The following UGT1A8 variants were observed in gnomAD, a reference collection of about 807,000 sequenced individuals.
UGT1A8 encodes UDP glucuronosyltransferase family 1 member A8, also known as UDP-glucuronosyltransferase 1A8.
UGT1A8 carries 39 observed loss-of-function variants against 45.3 expected under a neutral mutation model. The ratio of observed to expected loss-of-function variants is 0.86; its 90% CI spans 0.67 to 1.12. UGT1A8 has a LOEUF of 1.12. UGT1A8 is among the 50% of genes most tolerant of loss of function. The probability of loss-of-function intolerance (pLI) is 0.00; values close to 1 mark genes in which losing one functional copy is unlikely to be tolerated. For synonymous variants in UGT1A8, 275 were observed against 249.2 expected (o/e 1.10, Z -0.97); for missense variants, 719 against 664.9 (o/e 1.08, Z -0.90).
intron 1 of UGT1A8, among the ~76,000 whole-genome samples, chr2:233,659,660 C>A (rs929382629): frequency 6.6e-6 from 1 of 151,970 alleles, no homozygotes; most frequent in Non-Finnish European, 1.5e-5. Flanking sequence ...CAGGCGCACT[C>A]GATTTAACTT....
chr2:233,632,509 C>T (rs978740737), intron 1 of UGT1A8, among the ~76,000 whole-genome samples: 1 of 152,106 alleles, frequency 6.6e-6, no homozygotes, highest in Admixed American at 6.5e-5. Flanking sequence ...CTCTTATTTA[C>T]TTGAGCAGTG....
chr2:233,712,259 G>A (rs763507472), intron 1 of UGT1A8, among the ~76,000 whole-genome samples: 18 of 152,230 alleles, frequency 1.2e-4, no homozygotes, highest in Non-Finnish European at 1.9e-4. Context: ...TCTTGCACAT[G>A]TGTGCTTTAG....
chr2:233,744,522 T>A (rs1292521723), intron 1 of UGT1A8, among the ~76,000 whole-genome samples: 2 of 151,918 alleles, frequency 1.3e-5, no homozygotes, highest in Non-Finnish European at 2.9e-5. Context: ...CAATAGCAAA[T>A]CTTATTTTTA....
chr2:233,664,906 A>G (rs1447320252), intron 1 of UGT1A8, among the ~76,000 whole-genome samples: 1 of 152,206 alleles, frequency 6.6e-6, no homozygotes, highest in African/African-American at 2.4e-5. Context: ...CAAATTTTAT[A>G]ATTGTAGATC....
chr2:233,657,011 G>A (rs1434917198), intron 1 of UGT1A8, among the ~76,000 whole-genome samples: 9 of 151,314 alleles, frequency 5.9e-5, no homozygotes, highest in Non-Finnish European at 1.2e-4. Context: ...ACCTTTCTAC[G>A]TCTTTATGAA....
intron 4 of UGT1A8, 92 bp downstream of exon 4, chr2:233,768,531 G>T: frequency 5.4e-6 from 8 of 1,481,574 alleles, no homozygotes; most frequent in South Asian, 4.1e-5. Context: ...ATTTAATAGC[G>T]TTGTTTCAAA....
intron 1 of UGT1A8, among the ~76,000 whole-genome samples, chr2:233,670,716 A>G (rs1383320604): frequency 6.6e-6 from 1 of 152,174 alleles, no homozygotes; most frequent in Non-Finnish European, 1.5e-5. Context: ...TTGCTGAATT[A>G]GAGATGTTGG....
chr2:233,739,705 T>C (rs887179684), intron 1 of UGT1A8, among the ~76,000 whole-genome samples: 3 of 152,188 alleles, frequency 2.0e-5, no homozygotes, highest in African/African-American at 7.2e-5. Flanking sequence ...TACAGGCTCA[T>C]GGGGGAAGGG....
chr2:233,674,644 ATATCTTT>A (rs886741854), intron 1 of UGT1A8, among the ~76,000 whole-genome samples: 2 of 117,220 alleles, frequency 1.7e-5, no homozygotes, highest in African/African-American at 5.4e-5. Context: ...TTGATTATAA[ATATCTTT>A]TATGAGATAT....
chr2:233,704,547 A>G (rs1186036983), intron 1 of UGT1A8, among the ~76,000 whole-genome samples: 1 of 152,170 alleles, frequency 6.6e-6, no homozygotes, highest in East Asian at 1.9e-4. Context: ...TGGTGATAAT[A>G]TTACTTTATA....
At chr2:233,693,313 A>T (rs370458841) in intron 1 of UGT1A8, 2 of 1,614,218 alleles carry the variant, frequency 1.2e-6, no homozygotes, top group East Asian at 4.5e-5. Flanking sequence ...CTGAGCGATC[A>T]TTCCTAACTG....
intron 1 of UGT1A8, chr2:233,743,571 C>T: frequency 7.3e-7 from 1 of 1,367,316 alleles, no homozygotes; most frequent in African/African-American, 1.5e-5. Flanking sequence ...AGCGGGTTTC[C>T]CAAGAGGTCA....
intron 1 of UGT1A8, among the ~76,000 whole-genome samples, chr2:233,703,856 T>A (rs1016851767): frequency 2.6e-5 from 4 of 152,164 alleles, no homozygotes; most frequent in Non-Finnish European, 4.4e-5. Flanking sequence ...AATACTATTA[T>A]TGATGTAGAT....
rs67292694 is a variant in UGT1A8, at chr2:233,757,535, A to AATATATATATATATATAT, written c.856-9490_856-9473dup. Among the ~76,000 whole-genome samples the AATATATATATATATATAT allele has an allele frequency of 4.3e-3, 380 of 88,202 alleles. 7 individuals carry two copies. The highest frequency in any genetic ancestry group is 0.012 in the Middle Eastern group (2 of 172). The allele number at this position is 88,202 out of a possible 152,430, so 57.9% of individuals were successfully genotyped here. ...CAAAGCCAAAATCTTGCCTGTAAGG[A>AATATATATATATATATAT]ATATATATATATATATATATATATA... On this transcript the variant is annotated intron_variant, in intron 1 of 4. Transcript: ENST00000373450.
At chr2:233,761,638 C>T (rs769742430) in intron 1 of UGT1A8, among the ~76,000 whole-genome samples, 2 of 152,230 alleles carry the variant, frequency 1.3e-5, no homozygotes, top group African/African-American at 2.4e-5. Context: ...TCCTGCAGTC[C>T]GTTCTCTTCT....
In UGT1A8 at chr2:233,703,900, T is replaced by G. The variant is rs556559029; in HGVS notation, c.856-63134T>G. On this transcript the variant is annotated intron_variant, in intron 1 of 4. Transcript: ENST00000373450. ...GTCTACCATCATTTTTTTCTTTTCT[T>G]TTTTTTTTGAGACAAAATCTCATTC... 2.0e-5 allele frequency among the ~76,000 whole-genome samples: 3 copies of G among 151,044 alleles called. No homozygotes were observed. The East Asian group carries it at 5.8e-4, about 29-fold the overall frequency.
At chr2:233,755,197 T>C in intron 1 of UGT1A8, 1 of 1,117,644 alleles carries the variant, frequency 8.9e-7, no homozygotes, top group Non-Finnish European at 1.3e-6. Context: ...AGCGCCAGCT[T>C]GCGGTACGCC....
intron 1 of UGT1A8, among the ~76,000 whole-genome samples, chr2:233,659,937 A>C (rs1442589977): frequency 6.6e-6 from 1 of 152,150 alleles, no homozygotes; most frequent in Non-Finnish European, 1.5e-5. Flanking sequence ...CACTCATCTC[A>C]TCAAGTCATC....
intron 1 of UGT1A8, among the ~76,000 whole-genome samples, chr2:233,679,436 C>A (rs752875090): frequency 1.3e-5 from 2 of 152,206 alleles, no homozygotes; most frequent in East Asian, 1.9e-4. Flanking sequence ...GCAGTCCTGA[C>A]TGTAAACTTG....
Sources: allele counts gnomAD v4.1 joint callset (sites outside exome capture counted in the v4.1 genomes callset), GRCh38; gene constraint gnomAD v4.1.1; transcripts MANE v1.5; gene names NCBI Gene and HGNC (gene_info 2026-07-23, HGNC 2026-07-21).